Variants in IKZF2 observed in about 807,000 individuals in gnomAD.
IKZF2 encodes the protein zinc finger protein Helios.
IKZF2 carries 15 observed loss-of-function variants against 49.2 expected under a neutral mutation model. The observed-to-expected ratio is 0.30, with a 90% CI of 0.20 to 0.47. The LOEUF is 0.47. Ranked by LOEUF, IKZF2 falls within the 20% of genes least tolerant of loss-of-function variation. The probability of loss-of-function intolerance (pLI) is 1.00; values close to 1 mark genes in which losing one functional copy is unlikely to be tolerated. For synonymous variants in IKZF2, 227 were observed against 221.4 expected, an observed-to-expected ratio of 1.03 and a Z score of -0.23; for missense variants, 567 against 664.6, an observed-to-expected ratio of 0.85 and a Z score of 1.61.
chr2:213,150,726 A>G (rs887660015), intron 1 of IKZF2, among the ~76,000 whole-genome samples: 247 of 105,880 alleles, frequency 2.3e-3, no homozygotes, highest in African/African-American at 4.4e-3. Flanking sequence ...GGTAGAGGGG[A>G]GGGACAGTCA....
Position 213,002,366 on chromosome 2 carries a change from A to C in IKZF2, c.*4994T>G, listed in dbSNP as rs1316835178. 2 of 151,566 alleles carry C rather than the reference A, an allele frequency of 1.3e-5. No homozygotes were observed. Among genetic ancestry groups the C allele is most frequent in the Non-Finnish European group, 3.0e-5 (2 of 67,580 alleles). 9.4% of individuals were successfully genotyped at this position (151,566 alleles called of 1,614,324 possible). A position where few individuals can be genotyped will look rare whatever the true frequency, so the allele number is the denominator to read the frequency against. On this transcript the variant is annotated 3_prime_UTR_variant, in exon 9 of 9. Transcript: ENST00000434687. Reference sequence around the variant, plus strand: ...ATATCCTCAAACTTACAGTACAGCAAGATAAAACTAAAAAGCTAGAAATAG... The same window carrying C: ...ATATCCTCAAACTTACAGTACAGCACGATAAAACTAAAAAGCTAGAAATAG...
chr2:213,030,246 T>C (rs1262415110), intron 6 of IKZF2, among the ~76,000 whole-genome samples: 1 of 152,158 alleles, frequency 6.6e-6, no homozygotes, highest in African/African-American at 2.4e-5. Context: ...TGGAATTTTT[T>C]AGAAATATCC....
chr2:213,024,787 C>T (rs1697632971), intron 6 of IKZF2, among the ~76,000 whole-genome samples: 1 of 152,078 alleles, frequency 6.6e-6, no homozygotes, highest in Non-Finnish European at 1.5e-5. Context: ...CTGCTATCTC[C>T]ACAAGACCAT....
intron 4 of IKZF2, among the ~76,000 whole-genome samples, chr2:213,133,863 G>GA (rs1283496513): frequency 6.6e-6 from 1 of 151,872 alleles, no homozygotes; most frequent in East Asian, 1.9e-4. Flanking sequence ...AAAGCATTTT[G>GA]AAAAAAGTAC....
At chr2:213,097,009 A>G (rs567143707) in intron 4 of IKZF2, among the ~76,000 whole-genome samples, 6 of 152,134 alleles carry the variant, frequency 3.9e-5, no homozygotes, top group African/African-American at 1.4e-4. Context: ...CTGAGATTAC[A>G]AAAGTTTTTT....
At chr2:213,103,715 T>C (rs16849725) in intron 4 of IKZF2, among the ~76,000 whole-genome samples, 6,082 of 152,232 alleles carry the variant, frequency 0.04, 254 homozygotes, top group African/African-American at 0.11. Flanking sequence ...TATTTGAAGA[T>C]AGTTTAAATT....
At chr2:213,047,276 A>G (rs550603180) in intron 6 of IKZF2, among the ~76,000 whole-genome samples, 1 of 152,264 alleles carries the variant, frequency 6.6e-6, no homozygotes, top group Admixed American at 6.5e-5. Flanking sequence ...TGGGTCATAC[A>G]TACCCCATGT....
chr2:213,016,128 CAAT>C (rs1232662161), intron 7 of IKZF2, among the ~76,000 whole-genome samples: 1 of 152,072 alleles, frequency 6.6e-6, no homozygotes, highest in East Asian at 1.9e-4. Context: ...ACCACATCGG[CAAT>C]AATAATAACT....
In IKZF2 at chr2:213,003,059, A is replaced by T. The variant is rs1695038885; in HGVS notation, c.*4301T>A. Reference sequence around the variant, plus strand: ...CAGCTGAGCTGAAAATTTCTCTATTAGAAATTGCTCTAAAGATTTGCACTA... The same window carrying T: ...CAGCTGAGCTGAAAATTTCTCTATTTGAAATTGCTCTAAAGATTTGCACTA... On this transcript the variant is annotated 3_prime_UTR_variant, in exon 9 of 9. Transcript: ENST00000434687. The T allele has an allele frequency of 6.6e-6, 1 of 152,046 alleles. No individual in the cohort carries two copies. Among genetic ancestry groups the T allele is most frequent in the African/African-American group, 2.4e-5 (1 of 41,400 alleles). 9.4% of individuals were successfully genotyped at this position (152,046 alleles called of 1,614,324 possible). A position where few individuals can be genotyped will look rare whatever the true frequency, so the allele number is the denominator to read the frequency against.
At chr2:213,054,292 T>C (rs1223295156) in intron 5 of IKZF2, among the ~76,000 whole-genome samples, 2 of 152,064 alleles carry the variant, frequency 1.3e-5, no homozygotes, top group East Asian at 3.8e-4. Flanking sequence ...CACTAAAATA[T>C]ATGTTTCTCA....
In IKZF2 at chr2:213,063,947, T is replaced by G. The variant is rs78415331; in HGVS notation, c.140-6848A>C. Among the ~76,000 whole-genome samples, 360 of 152,130 alleles carry G rather than the reference T, an allele frequency of 2.4e-3. 5 individuals are homozygous for G. The East Asian group carries it at 0.055, about 23-fold the overall frequency. On this transcript the variant is annotated intron_variant, in intron 4 of 8. Transcript: ENST00000434687. ...TCCCGAATGGTCAGATAAAGAAATG[T>G]TAAGTTTCCATAAACCAAACTATTG...
intron 6 of IKZF2, among the ~76,000 whole-genome samples, chr2:213,024,465 G>T (rs1411958366): frequency 6.6e-6 from 1 of 152,110 alleles, no homozygotes; most frequent in Non-Finnish European, 1.5e-5. Flanking sequence ...CACAAGCAAT[G>T]TATTACAAAT....
At chr2:213,014,073 T>C (rs989859764) in intron 7 of IKZF2, 139 bp from the exon 8 acceptor site, 2 of 674,344 alleles carry the variant, frequency 3.0e-6, no homozygotes, top group Admixed American at 5.4e-5. Context: ...TACCCTCTAG[T>C]GTGAAAGTAT....
At chr2:213,125,341 C>T (rs988320315) in intron 4 of IKZF2, among the ~76,000 whole-genome samples, 1 of 152,122 alleles carries the variant, frequency 6.6e-6, no homozygotes, top group Non-Finnish European at 1.5e-5. Context: ...CTCCCAGACA[C>T]TGAAGCAGAA....
rs181213439 is a variant in IKZF2 at position 213,136,031 on chromosome 2, A to G, written c.139+11677T>C. 6.9e-3 allele frequency among the ~76,000 whole-genome samples: 1,014 copies of G among 147,254 alleles called. 4 individuals are homozygous for G. Among genetic ancestry groups the G allele is most frequent in the Middle Eastern group, 0.049 (14 of 288 alleles). On this transcript the variant is annotated intron_variant, in intron 4 of 8. Coordinates refer to ENST00000434687, the MANE Select transcript of IKZF2 (RefSeq NM_001387220.1). ...GCCACGGCACTCCAGCCTGGGCTAC[A>G]GAGCGAGACTCCGTTTCAAAAAAAA...
At chr2:213,097,142 T>C (rs1053660127) in intron 4 of IKZF2, among the ~76,000 whole-genome samples, 1 of 151,930 alleles carries the variant, frequency 6.6e-6, no homozygotes, top group Non-Finnish European at 1.5e-5. Flanking sequence ...TGCAGTTTAA[T>C]GAGATAATTA....
At chr2:213,035,650 A>C (rs888817552) in intron 6 of IKZF2, among the ~76,000 whole-genome samples, 2 of 152,208 alleles carry the variant, frequency 1.3e-5, no homozygotes, top group Non-Finnish European at 2.9e-5. Context: ...TAGTTCAAAA[A>C]CAGTAGGAAA....
chr2:213,088,046 A>G (rs1420606242), intron 4 of IKZF2, among the ~76,000 whole-genome samples: 1 of 152,118 alleles, frequency 6.6e-6, no homozygotes, highest in Non-Finnish European at 1.5e-5. Context: ...GGGTCAAATG[A>G]TATTTCTAGT....
At chr2:213,150,702 A>AGGG (rs368805396) in intron 1 of IKZF2, among the ~76,000 whole-genome samples, 16 of 39,746 alleles carry the variant, frequency 4.0e-4, no homozygotes, top group African/African-American at 1.5e-3. Flanking sequence ...CTGAAAGAAA[A>AGGG]GGGGGGGGGG....
Sources: allele counts gnomAD v4.1 joint callset (sites outside exome capture counted in the v4.1 genomes callset), GRCh38; gene constraint gnomAD v4.1.1; transcripts MANE v1.5; gene names NCBI Gene and HGNC (gene_info 2026-07-23, HGNC 2026-07-21).